KCNIP4: variants seen among roughly 807,000 people sequenced by gnomAD.
KCNIP4 encodes potassium voltage-gated channel interacting protein 4, also known as Kv channel-interacting protein 4.
In KCNIP4, 12 loss-of-function variants were observed where a neutral mutation model predicts 34.0. That is an observed-to-expected ratio of 0.35 (90% confidence interval 0.23 to 0.57). The LOEUF (loss-of-function observed/expected upper bound fraction) is 0.57, where lower values mean the gene tolerates loss of function less well. KCNIP4 is among the 20% of genes least tolerant of loss of function. KCNIP4 has a pLI of 0.83. For synonymous variants in KCNIP4, 124 were observed against 102.2 expected (o/e 1.21, Z -1.29); for missense variants, 238 against 311.7 (o/e 0.76, Z 1.78).
At chr4:21,798,404 C>CATATATATATATATAT (rs112991875) in intron 1 of KCNIP4, among the ~76,000 whole-genome samples, 2,367 of 129,480 alleles carry the variant, frequency 0.018, 49 homozygotes, top group Middle Eastern at 0.034. Flanking sequence ...CAAAAAAATA[C>CATATATATATATATAT]ATATATATAT....
intron 1 of KCNIP4, among the ~76,000 whole-genome samples, chr4:21,318,204 C>T (rs915423716): frequency 1.4e-4 from 21 of 152,080 alleles, no homozygotes; most frequent in African/African-American, 7.2e-5. Flanking sequence ...TAAAATGACA[C>T]GCAAGTAACT....
In KCNIP4 at chr4:20,894,129, C is replaced by T. The variant is rs1424492337; in HGVS notation, c.62-11420G>A. Among the ~76,000 whole-genome samples the T allele has an allele frequency of 2.6e-5, 4 of 152,002 alleles. No individual in the cohort carries two copies. In the East Asian group the frequency reaches 5.9e-4, roughly 22 times the overall value. On this transcript the variant is annotated intron_variant, in intron 1 of 8. Transcript: ENST00000382152. The stretch of plus-strand genomic sequence containing the variant: ...CTCCTGACCTCAAGTGATCCGCACA[C>T]CTCGGCCTCCCAAAGTGCTGGGATT...
rs114423022 is a variant in KCNIP4 at position 21,676,031 on chromosome 4, G to T, written c.61+272540C>A. Among the ~76,000 whole-genome samples, 1,260 of 152,256 alleles carry T rather than the reference G, an allele frequency of 8.3e-3. 23 individuals carry two copies. The highest frequency in any genetic ancestry group is 0.025 in the African/African-American group (1,052 of 41,544). On this transcript the variant is annotated intron_variant, in intron 1 of 8. Transcript: ENST00000382152. ...TGGTCTGACAACAATTATATACTGA[G>T]AAAACCATATGGAGCATAAAGAAAC...
rs137872471 is a variant in KCNIP4 at position 21,519,343 on chromosome 4, T to TACACACAC, written c.61+429220_61+429227dup. 3.1e-3 allele frequency among the ~76,000 whole-genome samples: 354 copies of TACACACAC among 115,146 alleles called. 2 individuals carry two copies. Among genetic ancestry groups the TACACACAC allele is most frequent in the East Asian group, 8.1e-3 (29 of 3,582 alleles). 75.5% of individuals were successfully genotyped at this position (115,146 alleles called of 152,430 possible). A position where few individuals can be genotyped will look rare whatever the true frequency, so the allele number is the denominator to read the frequency against. On this transcript the variant is annotated intron_variant, in intron 1 of 8. Transcript: ENST00000382152. Reference sequence around the variant, plus strand: ...ACAGAAATAATAGGAGAGAGAGAGATACACACACACACACACACACACACA... The same window carrying TACACACAC: ...ACAGAAATAATAGGAGAGAGAGAGATACACACACACACACACACACACACACACACACA...
At chr4:20,876,144 T>C (rs1292437187) in intron 2 of KCNIP4, among the ~76,000 whole-genome samples, 1 of 152,194 alleles carries the variant, frequency 6.6e-6, no homozygotes, top group Non-Finnish European at 1.5e-5. Context: ...GTAGATGTTG[T>C]TATGAGTTAA....
At chr4:21,354,322 C>T (rs555616280) in intron 1 of KCNIP4, among the ~76,000 whole-genome samples, 1 of 152,194 alleles carries the variant, frequency 6.6e-6, no homozygotes, top group East Asian at 1.9e-4. Context: ...TGTAAATGGG[C>T]TAAATGCCCC....
chr4:21,065,526 A>T (rs969251327), intron 1 of KCNIP4, among the ~76,000 whole-genome samples: 7 of 151,940 alleles, frequency 4.6e-5, no homozygotes, highest in African/African-American at 1.7e-4. Context: ...CTATTAATCG[A>T]TTATTATAAT....
chr4:21,519,666 ACGTGTGTGT>A, intron 1 of KCNIP4, among the ~76,000 whole-genome samples: 1 of 141,830 alleles, frequency 7.1e-6, no homozygotes, highest in South Asian at 2.3e-4. Context: ...GTATATATAC[ACGTGTGTGT>A]ATGTATGTGT....
At chr4:21,706,068 A>G (rs1294470201) in intron 1 of KCNIP4, among the ~76,000 whole-genome samples, 2 of 152,178 alleles carry the variant, frequency 1.3e-5, no homozygotes, top group Non-Finnish European at 2.9e-5. Flanking sequence ...GAAGAGAACT[A>G]TACAAATATC....
At chr4:21,392,092 A>G (rs1238040285) in intron 1 of KCNIP4, among the ~76,000 whole-genome samples, 3 of 152,194 alleles carry the variant, frequency 2.0e-5, no homozygotes, top group Non-Finnish European at 2.9e-5. Flanking sequence ...ACACTCATAC[A>G]TCTTGCAGGA....
At chr4:21,920,637 C>T (rs1728888072) in intron 1 of KCNIP4, among the ~76,000 whole-genome samples, 1 of 152,164 alleles carries the variant, frequency 6.6e-6, no homozygotes, top group African/African-American at 2.4e-5. Flanking sequence ...ATAATTAAAA[C>T]AATAAAGTAC....
At chr4:21,512,626 A>G (rs6810518) in intron 1 of KCNIP4, among the ~76,000 whole-genome samples, 50,172 of 151,998 alleles carry the variant, frequency 0.33, 8,330 homozygotes, top group East Asian at 0.37. Flanking sequence ...TTCTCAACAC[A>G]TATACATGAG....
intron 1 of KCNIP4, among the ~76,000 whole-genome samples, chr4:20,886,503 A>G (rs1725330247): frequency 6.6e-6 from 1 of 152,204 alleles, no homozygotes; most frequent in Non-Finnish European, 1.5e-5. Context: ...TGGGATATGC[A>G]CGATATCCAA....
At chr4:21,526,598 A>C (rs2108962319) in intron 1 of KCNIP4, among the ~76,000 whole-genome samples, 1 of 152,090 alleles carries the variant, frequency 6.6e-6, no homozygotes, top group East Asian at 1.9e-4. Context: ...ATAGCTTATA[A>C]CTTTAATTTG....
chr4:21,628,454 T>G (rs916700689), intron 1 of KCNIP4, among the ~76,000 whole-genome samples: 1 of 152,172 alleles, frequency 6.6e-6, no homozygotes, highest in African/African-American at 2.4e-5. Flanking sequence ...GACATATGCT[T>G]GATATACAAA....
At chr4:21,253,764 A>G (rs1760876521) in intron 1 of KCNIP4, among the ~76,000 whole-genome samples, 1 of 152,222 alleles carries the variant, frequency 6.6e-6, no homozygotes, top group Non-Finnish European at 1.5e-5. Flanking sequence ...TGTGCATGTT[A>G]ATAGCAGCAC....
At chr4:21,403,219 A>C (rs1467353740) in intron 1 of KCNIP4, among the ~76,000 whole-genome samples, 1 of 152,216 alleles carries the variant, frequency 6.6e-6, no homozygotes, top group Non-Finnish European at 1.5e-5. Context: ...AAGCTTAAAT[A>C]ACTTTACATC....
intron 1 of KCNIP4, among the ~76,000 whole-genome samples, chr4:21,306,212 G>A (rs563991299): frequency 2.6e-5 from 4 of 152,280 alleles, no homozygotes; most frequent in African/African-American, 7.2e-5. Flanking sequence ...GGTGAATGAC[G>A]GAACCAAGCT....
chr4:21,198,145 T>A (rs1176618887), intron 1 of KCNIP4, among the ~76,000 whole-genome samples: 1 of 152,216 alleles, frequency 6.6e-6, no homozygotes, highest in Non-Finnish European at 1.5e-5. Context: ...TGCAGACACT[T>A]GTCATTCCAA....
Sources: allele counts gnomAD v4.1 joint callset (sites outside exome capture counted in the v4.1 genomes callset), GRCh38; gene constraint gnomAD v4.1.1; transcripts MANE v1.5; gene names NCBI Gene and HGNC (gene_info 2026-07-23, HGNC 2026-07-21).